The following NEBL variants were observed in gnomAD, a reference collection of about 807,000 sequenced individuals.
NEBL encodes nebulette, also known as LIM and SH3 protein 2.
A neutral mutation model predicts 140.2 loss-of-function variants in NEBL; 122 were observed. The observed-to-expected ratio is 0.87, with a 90% confidence interval of 0.75 to 1.01. The LOEUF (loss-of-function observed/expected upper bound fraction) is 1.01, where lower values mean the gene tolerates loss of function less well. Among genes scored for constraint, NEBL ranks in the 50% least tolerant of loss-of-function variants. The probability of loss-of-function intolerance (pLI) is 0.00; values close to 1 mark genes in which losing one functional copy is unlikely to be tolerated. For missense variants in NEBL, 1,365 were observed against 1,231.3 expected, an observed-to-expected ratio of 1.11 and a Z score of -1.62; for synonymous variants, 436 against 398.9, an observed-to-expected ratio of 1.09 and a Z score of -1.11.
At chr10:21,290,807 C>T (rs77764390) in intron 1 of NEBL, among the ~76,000 whole-genome samples, 2 of 152,234 alleles carry the variant, frequency 1.3e-5, no homozygotes, top group Admixed American at 6.5e-5. Context: ...CTACACCCCC[C>T]ATTTCCCTCT....
Position 21,173,846 on chromosome 10 carries a change from CG to C in NEBL, c.-14del, listed in dbSNP as rs1225012807. ...ACTGGGGGTTCATGATCGCGGTTCC[CG>C]GGGGCGGCGGCGGCGGCGGCTGCTG... On this transcript the variant is annotated 5_prime_UTR_variant, in exon 1 of 7. Transcript: ENST00000417816. The surrounding 1 kb of genome is among the most constrained non-coding windows in gnomAD (Gnocchi z 5.7). 3 of 1,609,654 alleles carry C rather than the reference CG, an allele frequency of 1.9e-6. No homozygotes were observed. Among genetic ancestry groups the C allele is most frequent in the Non-Finnish European group, 1.7e-6 (2 of 1,179,220 alleles).
chr10:21,203,603 G>A (rs1841777722), intron 3 of NEBL, among the ~76,000 whole-genome samples: 1 of 152,100 alleles, frequency 6.6e-6, no homozygotes, highest in Non-Finnish European at 1.5e-5. Flanking sequence ...AATAAAAGGA[G>A]AAAATAACAG....
intron 2 of NEBL, among the ~76,000 whole-genome samples, chr10:21,099,840 C>A (rs1837389580): frequency 6.6e-6 from 1 of 152,168 alleles, no homozygotes; most frequent in Non-Finnish European, 1.5e-5. Flanking sequence ...GCCAAAGAAG[C>A]CAGCCCAAGA....
intron 9 of NEBL, among the ~76,000 whole-genome samples, chr10:20,855,278 A>G (rs1477153603): frequency 6.6e-6 from 1 of 152,006 alleles, no homozygotes; most frequent in Non-Finnish European, 1.5e-5. Flanking sequence ...TCTGGAAAGA[A>G]AGATAATAAT....
upstream of NEBL, chr10:20,897,347 C>G: frequency 6.8e-7 from 1 of 1,467,526 alleles, no homozygotes; most frequent in Non-Finnish European, 8.9e-7. Flanking sequence ...TTAGCCCACA[C>G]TTCACTCCTT....
chr10:21,291,775 C>T (rs191598508), intron 1 of NEBL, among the ~76,000 whole-genome samples: 1 of 151,720 alleles, frequency 6.6e-6, no homozygotes, highest in South Asian at 2.1e-4. Flanking sequence ...ATTAGCCAGG[C>T]GTGGTGGTGG....
At chr10:21,076,849 G>T (rs1836118480) in intron 2 of NEBL, among the ~76,000 whole-genome samples, 1 of 152,074 alleles carries the variant, frequency 6.6e-6, no homozygotes, top group Non-Finnish European at 1.5e-5. Context: ...GACTTGAATG[G>T]ATATTTCTCC....
Position 21,236,255 on chromosome 10 carries a change from A to C in NEBL, n.348+11666T>G, listed in dbSNP as rs117530475. Among the ~76,000 whole-genome samples, 49 of 152,236 alleles carry C rather than the reference A, an allele frequency of 3.2e-4. 1 individual carries two copies. In the East Asian group the frequency reaches 7.9e-3, roughly 25 times the overall value. ...AGAAATCTTTAAAAAGCCTACAAAG[A>C]ATTTAACAACTGAATTTTACAATGT... On this transcript the variant is annotated intron_variant and non_coding_transcript_variant, in intron 3 of 8. Transcript: ENST00000675702.
intron 22 of NEBL, among the ~76,000 whole-genome samples, chr10:20,814,617 TAC>T (rs3990287): frequency 1.8e-4 from 27 of 146,244 alleles, no homozygotes; most frequent in East Asian, 6.0e-4. Flanking sequence ...CATACACACA[TAC>T]ACACACACAC....
intron 4 of NEBL, among the ~76,000 whole-genome samples, chr10:20,907,121 AT>A (rs762978024): frequency 1.3e-3 from 194 of 152,166 alleles, no homozygotes; most frequent in Non-Finnish European, 2.3e-3. Flanking sequence ...CTATTTTTCA[AT>A]TTGATCATAT....
At chr10:20,934,800 C>T (rs1438352514) in intron 4 of NEBL, among the ~76,000 whole-genome samples, 2 of 152,216 alleles carry the variant, frequency 1.3e-5, no homozygotes, top group African/African-American at 4.8e-5. Context: ...AACTTCCTGA[C>T]TCATACAAGG....
intron 4 of NEBL, among the ~76,000 whole-genome samples, chr10:20,960,195 T>C (rs1835988291): frequency 6.6e-6 from 1 of 152,132 alleles, no homozygotes; most frequent in African/African-American, 2.4e-5. Flanking sequence ...ATGTATAATA[T>C]AACTGTTTTT....
chr10:20,866,875 A>T (rs1279768796), intron 7 of NEBL, among the ~76,000 whole-genome samples: 1 of 152,064 alleles, frequency 6.6e-6, no homozygotes, highest in East Asian at 1.9e-4. Context: ...TATCTATTTC[A>T]CTGACCCCTT....
chr10:21,135,433 A>AT (rs1238060614), intron 2 of NEBL, among the ~76,000 whole-genome samples: 1 of 151,342 alleles, frequency 6.6e-6, no homozygotes, highest in African/African-American at 2.4e-5. Flanking sequence ...CTCAGTGGAG[A>AT]TAAAAAAAAA....
At chr10:21,050,383 C>A (rs1399506247) in intron 2 of NEBL, among the ~76,000 whole-genome samples, 2 of 152,146 alleles carry the variant, frequency 1.3e-5, no homozygotes, top group African/African-American at 4.8e-5. Context: ...CGTGTAAAAT[C>A]CCTATATTAT....
intron 2 of NEBL, among the ~76,000 whole-genome samples, chr10:21,020,889 A>G (rs1188677040): frequency 1.1e-4 from 17 of 152,074 alleles, no homozygotes; most frequent in Non-Finnish European, 4.4e-5. Flanking sequence ...TGGGGATCAC[A>G]TCATTCCCAC....
chr10:20,785,386 A>C lies in NEBL; in HGVS notation c.*361T>G, dbSNP rs890641209. The stretch of plus-strand genomic sequence containing the variant: ...AGAGAATTGGCTTGGGGTGATTCCA[A>C]AGTGACAGCTAAGAAGTTTCAAACA... On this transcript the variant is annotated 3_prime_UTR_variant, in exon 28 of 28. Coordinates refer to ENST00000377122, the MANE Select transcript of NEBL (RefSeq NM_006393.3). 7.3e-5 allele frequency: 22 copies of C among 302,374 alleles called. No homozygotes were observed. The highest frequency in any genetic ancestry group is 1.1e-3 in the Middle Eastern group (1 of 914). The allele number at this position is 302,374 out of a possible 1,614,324, so 18.7% of individuals were successfully genotyped here.
At chr10:20,937,839 T>C (rs1374792592) in intron 4 of NEBL, among the ~76,000 whole-genome samples, 2 of 152,078 alleles carry the variant, frequency 1.3e-5, no homozygotes, top group Non-Finnish European at 2.9e-5. Context: ...GCCTCGCTCA[T>C]TGCTAGCACA....
chr10:21,248,093 C>T lies in NEBL; in HGVS notation n.280-104G>A, dbSNP rs530533086. Reference sequence around the variant, plus strand: ...TTTAAATGGGCAGCCTTTAACTGATCAGGGTCTCATTCTGTTGCCCAGGCT... The same window carrying T: ...TTTAAATGGGCAGCCTTTAACTGATTAGGGTCTCATTCTGTTGCCCAGGCT... On this transcript the variant is annotated intron_variant and non_coding_transcript_variant, in intron 2 of 8. Transcript: ENST00000675702. 595 of 226,268 alleles carry T rather than the reference C, an allele frequency of 2.6e-3. 7 individuals carry two copies. Among genetic ancestry groups the T allele is most frequent in the Non-Finnish European group, 2.3e-3 (225 of 99,302 alleles). The allele number at this position is 226,268 out of a possible 1,614,324, so 14.0% of individuals were successfully genotyped here.
Sources: allele counts gnomAD v4.1 joint callset (sites outside exome capture counted in the v4.1 genomes callset), GRCh38; gene constraint gnomAD v4.1.1; non-coding constraint Gnocchi (gnomAD v3.1); transcripts MANE v1.5; gene names NCBI Gene and HGNC (gene_info 2026-07-23, HGNC 2026-07-21).